MEST: variants seen among roughly 807,000 people sequenced by gnomAD.
MEST encodes the protein mesoderm-specific transcript homolog protein.
In MEST, 18 loss-of-function variants were observed where a neutral mutation model predicts 50.9. The ratio of observed to expected loss-of-function variants is 0.35; its 90% confidence interval spans 0.24 to 0.52. The LOEUF (loss-of-function observed/expected upper bound fraction) is 0.52. Among genes scored for constraint, MEST ranks in the 20% least tolerant of loss-of-function variants. The probability of loss-of-function intolerance (pLI) is 0.94; values close to 1 mark genes in which losing one functional copy is unlikely to be tolerated. For synonymous variants in MEST, 130 were observed against 154.1 expected (o/e 0.84, Z 1.16); for missense variants, 282 against 425.3 (o/e 0.66, Z 2.96).
intron 2 of MEST, chr7:130,495,770 C>A (rs1202354846): frequency 1.0e-5 from 3 of 287,264 alleles, no homozygotes; most frequent in East Asian, 8.1e-5. Context: ...ATATGTATTC[C>A]AATATTAGTT....
intron 2 of MEST, 58 bp downstream of exon 2, chr7:130,495,580 G>A (rs1799016306): frequency 6.4e-7 from 1 of 1,556,566 alleles, no homozygotes; most frequent in South Asian, 1.2e-5. Flanking sequence ...CCCAGCTGAG[G>A]TATTTATTTT....
chr7:130,493,738 CG>C (rs1427330254), intron 1 of MEST, among the ~76,000 whole-genome samples: 1 of 152,108 alleles, frequency 6.6e-6, no homozygotes, highest in African/African-American at 2.4e-5. Context: ...GCTGGAACCC[CG>C]GGGATGAATG....
Position 130,499,889 on chromosome 7 carries a change from A to G in MEST, c.550A>G (p.Thr184Ala). Residue 184 changes from threonine (T) to alanine (A), a missense_variant, in exon 7 of 12, where the codon ACT becomes GCT. Coordinates refer to ENST00000223215, the MANE Select transcript of MEST (RefSeq NM_002402.4). ...CLSNGGIFPE[T>A]HRPLLLQKLL... ...CTCTTCTACAGGTATCTTTCCTGAG[A>G]CTCACCGTCCACTCCTTCTCCAAAA... 1 of 1,611,960 alleles carries G rather than the reference A, an allele frequency of 6.2e-7. No homozygotes were observed. Among genetic ancestry groups the G allele is most frequent in the East Asian group, 2.2e-5 (1 of 44,828 alleles).
upstream of MEST, chr7:130,489,460 C>A (rs1392861197): frequency 6.6e-6 from 1 of 152,228 alleles, no homozygotes; most frequent in African/African-American, 2.4e-5. Flanking sequence ...TCTCCCCCTG[C>A]GGAGGAAGCT....
chr7:130,500,374 A>T lies in MEST; in HGVS notation c.577-88A>T. The T allele has an allele frequency of 8.6e-7, 1 of 1,158,976 alleles. No homozygotes were observed. The highest frequency in any genetic ancestry group is 2.5e-5 in the East Asian group (1 of 39,656). The allele number at this position is 1,158,976 out of a possible 1,614,324, so 71.8% of individuals were successfully genotyped here. A position where few individuals can be genotyped will look rare whatever the true frequency, so the allele number is the denominator to read the frequency against. ...CATTCAGTAGCAGGAGATTTGGCTAAAGATTTAGTTCCTAGTATAAAACCT... is the reference window on the plus strand; with the variant it reads ...CATTCAGTAGCAGGAGATTTGGCTATAGATTTAGTTCCTAGTATAAAACCT... On this transcript the variant is annotated intron_variant, in intron 7 of 11. Coordinates refer to ENST00000223215, the MANE Select transcript of MEST (RefSeq NM_002402.4). The surrounding 1 kb of genome is among the most constrained non-coding windows in gnomAD (Gnocchi z 5.0).
chr7:130,495,575 C>T, intron 2 of MEST, 53 bp downstream of exon 2: 1 of 1,563,180 alleles, frequency 6.4e-7, no homozygotes. Flanking sequence ...TAAGTCCCAG[C>T]TGAGGTATTT....
intron 11 of MEST, 114 bp from the exon 12 acceptor site, chr7:130,504,824 TG>T (rs1554439453): frequency 7.3e-6 from 5 of 684,624 alleles, no homozygotes; most frequent in Non-Finnish European, 1.3e-5. Flanking sequence ...ATAAGCTCTT[TG>T]GTGGCTCCTT....
In MEST at chr7:130,505,115, C is replaced by A; in HGVS notation, c.*59C>A. 1.6e-6 allele frequency: 2 copies of A among 1,258,104 alleles called. No individual in the cohort carries two copies. The highest frequency in any genetic ancestry group is 1.2e-5 in the South Asian group (1 of 82,578). 77.9% of individuals were successfully genotyped at this position (1,258,104 alleles called of 1,614,324 possible). The stretch of plus-strand genomic sequence containing the variant: ...CTACTCCCTTATGTGTTGTGTATTC[C>A]ACTTAGGAAGAAATGCCCAAAAGAG... On this transcript the variant is annotated 3_prime_UTR_variant, in exon 12 of 12. Coordinates refer to ENST00000223215, the MANE Select transcript of MEST (RefSeq NM_002402.4).
At chr7:130,493,690 C>T (rs1359771967) in intron 1 of MEST, among the ~76,000 whole-genome samples, 1 of 152,186 alleles carries the variant, frequency 6.6e-6, no homozygotes, top group African/African-American at 2.4e-5. Context: ...GGCCGCCCCT[C>T]CCGGGGCTCT....
rs181243581 is a variant in MEST, at chr7:130,492,795, C to A, written c.26+456C>A. On this transcript the variant is annotated intron_variant, in intron 1 of 11. Transcript: ENST00000223215. The surrounding 1 kb of genome is among the most constrained non-coding windows in gnomAD (Gnocchi z 7.6). ...TGGTTTGATTTAGGATATTTAGACT[C>A]CGGCTTCCCTCTGGTGCGATTCAGG... 2.4e-4 allele frequency among the ~76,000 whole-genome samples: 37 copies of A among 152,150 alleles called. No homozygotes were observed. The highest frequency in any genetic ancestry group is 2.4e-3 in the Admixed American group (37 of 15,300).
In MEST at chr7:130,492,927, C is replaced by T. The variant is rs916446842; in HGVS notation, c.26+588C>T. 1.3e-5 allele frequency among the ~76,000 whole-genome samples: 2 copies of T among 151,082 alleles called. No homozygotes were observed. The highest frequency in any genetic ancestry group is 1.3e-4 in the Admixed American group (2 of 15,180). On this transcript the variant is annotated intron_variant, in intron 1 of 11. Transcript: ENST00000223215. This position sits in a 1 kb window ranked among gnomAD's most constrained non-coding sequence, Gnocchi z 7.6. ...GAACCCCAGCATCGCTCTGGTGCGA[C>T]TTAAAGGATAGGCCCCAGCATCGCC...
At chr7:130,503,589 G>C (rs1351762813) in intron 10 of MEST, among the ~76,000 whole-genome samples, 2 of 152,170 alleles carry the variant, frequency 1.3e-5, no homozygotes, top group Non-Finnish European at 2.9e-5. Flanking sequence ...TGGGAGGACT[G>C]GTTGAGCCCA....
chr7:130,490,058 T>C (rs1039375919), upstream of MEST: 2 of 152,230 alleles, frequency 1.3e-5, no homozygotes, highest in Non-Finnish European at 2.9e-5. Flanking sequence ...AAGGCTTTTG[T>C]TATTGTTATT....
intron 6 of MEST, 181 bp downstream of exon 6, chr7:130,498,658 C>T: frequency 1.6e-6 from 1 of 630,254 alleles, no homozygotes; most frequent in Non-Finnish European, 2.8e-6. Flanking sequence ...GACCCTTTCT[C>T]AGAATGTTTT....
At chr7:130,502,821 A>C in intron 10 of MEST, 101 bp downstream of exon 10, 2 of 780,162 alleles carry the variant, frequency 2.6e-6, no homozygotes, top group South Asian at 3.9e-5. Flanking sequence ...AGCAAATAAA[A>C]ATATAAGATA....
intron 11 of MEST, 79 bp from the exon 12 acceptor site, chr7:130,504,860 A>G: frequency 9.4e-7 from 1 of 1,061,590 alleles, no homozygotes; most frequent in Admixed American, 1.7e-5. Flanking sequence ...CCACAGGGTC[A>G]TTTACTGGGG....
At chr7:130,496,423 TA>T in intron 2 of MEST, 1 of 313,048 alleles carries the variant, frequency 3.2e-6, no homozygotes, top group Non-Finnish European at 6.0e-6. Context: ...TAACTGCTTC[TA>T]AATTATTTTT....
At position 130,497,123 on chromosome 7, in the gene MEST, TG is replaced by T; in HGVS notation, c.182-31del. The T allele has an allele frequency of 6.4e-7, 1 of 1,559,718 alleles. No individual in the cohort carries two copies. Among genetic ancestry groups the T allele is most frequent in the Non-Finnish European group, 8.8e-7 (1 of 1,136,050 alleles). On this transcript the variant is annotated intron_variant, in intron 2 of 11. Coordinates refer to ENST00000223215, the MANE Select transcript of MEST (RefSeq NM_002402.4). The surrounding 1 kb of genome is among the most constrained non-coding windows in gnomAD (Gnocchi z 4.0). ...CTTCGAGGTTATTTTTATAGGGATT[TG>T]GCATAATTGATTGTACTTTCCTTCT...
upstream of MEST, chr7:130,489,489 A>C (rs1469335808): frequency 1.3e-5 from 2 of 152,260 alleles, no homozygotes; most frequent in Non-Finnish European, 2.9e-5. Flanking sequence ...GAAGTAAATC[A>C]GGCACATTTA....
Sources: allele counts gnomAD v4.1 joint callset (sites outside exome capture counted in the v4.1 genomes callset), GRCh38; gene constraint gnomAD v4.1.1; non-coding constraint Gnocchi (gnomAD v3.1); transcripts MANE v1.5; gene names NCBI Gene and HGNC (gene_info 2026-07-23, HGNC 2026-07-21).